Variants in PI4KA observed in about 807,000 individuals in gnomAD.
PI4KA encodes PI4-kinase alpha.
Under a neutral mutation model 271.4 loss-of-function variants are expected in PI4KA, and 122 were observed. The observed-to-expected ratio is 0.45, with a 90% CI of 0.39 to 0.52. The LOEUF (loss-of-function observed/expected upper bound fraction) is 0.52, where lower values mean the gene tolerates loss of function less well. Ranked by LOEUF, PI4KA falls within the 20% of genes least tolerant of loss-of-function variation. The pLI, the probability that PI4KA is intolerant of heterozygous loss-of-function variation, is 0.00. For missense variants in PI4KA, 1,969 were observed against 2,769.1 expected (o/e 0.71, Z 6.48); for synonymous variants, 1,041 against 1,078.8 (o/e 0.96, Z 0.69).
chr22:20,751,326 C>G lies in PI4KA; in HGVS notation c.3120G>C (p.Arg1040=), dbSNP rs118133093. ...CTTCGTACGTGTCAGGAACCGTGAT[C>G]CGGTAGGGGGCGTCGGGGATGTCAT... The part of the protein sequence containing the change: ...PYYDIPDAPY[R]ITVPDTYEAR... Residue 1040 remains arginine (R), a synonymous_variant, in exon 27 of 55, where the codon CGG becomes CGC. Coordinates refer to ENST00000255882, the MANE Select transcript of PI4KA (RefSeq NM_058004.4). 2,659 of 1,614,084 alleles carry G rather than the reference C, an allele frequency of 1.6e-3. 53 individuals carry two copies. In the East Asian group the frequency reaches 0.048, roughly 29 times the overall value.
intron 19 of PI4KA, among the ~76,000 whole-genome samples, chr22:20,776,129 C>G (rs1933250026): frequency 6.6e-6 from 1 of 152,106 alleles, no homozygotes; most frequent in African/African-American, 2.4e-5. Flanking sequence ...TGAGACCTGT[C>G]TGGGCAACAT....
At position 20,807,443 on chromosome 22, in the gene PI4KA, C is replaced by G. The variant is rs1458288484; in HGVS notation, c.1087G>C (p.Asp363His). 1 of 1,611,768 alleles carries G rather than the reference C, an allele frequency of 6.2e-7. No homozygotes were observed. Among genetic ancestry groups the G allele is most frequent in the Admixed American group, 1.7e-5 (1 of 60,016 alleles). Residue 363 changes from aspartate to histidine, a missense_variant, in exon 10 of 55, where the codon GAT becomes CAT. This residue lies in a region of PI4KA where 540 missense variants were observed against 555.5 expected (regional missense o/e 0.97). Coordinates refer to ENST00000255882, the MANE Select transcript of PI4KA (RefSeq NM_058004.4). The part of the protein sequence containing the change: ...ASVMEANPSA[D>H]LYYTSFSDPL... ...TCACTGAAGGAAGTGTAGTAGAGAT[C>G]AGCACTGGGGTTGGCCTGCAGGGAA...
Position 20,747,843 on chromosome 22 carries a change from T to TC in PI4KA, c.3244-142dup, listed in dbSNP as rs1930278998. ...TCGACCTCTTAGACTCAAGCCATCCTCCCGCCTCAGCTTCCCAAGTAGCTG... is the reference window on the plus strand; with the variant it reads ...TCGACCTCTTAGACTCAAGCCATCCTCCCCGCCTCAGCTTCCCAAGTAGCTG... On this transcript the variant is annotated intron_variant, in intron 28 of 54. Transcript: ENST00000255882. The TC allele has an allele frequency of 7.9e-6, 6 of 763,332 alleles. No homozygotes were observed. The Admixed American group carries it at 1.6e-4, about 21-fold the overall frequency. 47.3% of individuals were successfully genotyped at this position (763,332 alleles called of 1,614,324 possible).
intron 22 of PI4KA, among the ~76,000 whole-genome samples, chr22:20,763,610 T>C (rs1310738047): frequency 2.0e-5 from 3 of 152,096 alleles, no homozygotes; most frequent in Non-Finnish European, 4.4e-5. Flanking sequence ...TGGCTAATTT[T>C]TGTATTTTTA....
At chr22:20,789,351 A>T (rs1934481510) in intron 19 of PI4KA, among the ~76,000 whole-genome samples, 1 of 152,140 alleles carries the variant, frequency 6.6e-6, no homozygotes, top group Non-Finnish European at 1.5e-5. Context: ...TTTTTTTGAG[A>T]CGGAGTCTCG....
chr22:20,854,966 A>T (rs951633215), intron 1 of PI4KA, among the ~76,000 whole-genome samples: 1 of 152,170 alleles, frequency 6.6e-6, no homozygotes, highest in Non-Finnish European at 1.5e-5. Context: ...AGCCTGGCCA[A>T]CACGGCGAAA....
At position 20,721,286 on chromosome 22, in the gene PI4KA, C is replaced by T; in HGVS notation, c.5116+12G>A. The T allele has an allele frequency of 6.2e-7, 1 of 1,613,682 alleles. No individual in the cohort carries two copies. The highest frequency in any genetic ancestry group is 2.2e-5 in the East Asian group (1 of 44,888). On this transcript the variant is annotated intron_variant, in intron 43 of 54. Transcript: ENST00000255882. ...ACAGTAAGTGAGGCCTGTGGGAGGA[C>T]AAAATACTCACGGTCTTTCTGGTGG...
intron 1 of PI4KA, among the ~76,000 whole-genome samples, chr22:20,852,122 T>G (rs962066295): frequency 2.6e-5 from 4 of 152,004 alleles, no homozygotes; most frequent in Admixed American, 6.6e-5. Flanking sequence ...AGACTCCATC[T>G]CAAAAAGTAA....
At chr22:20,766,557 C>T (rs547123925) in intron 19 of PI4KA, among the ~76,000 whole-genome samples, 2 of 150,780 alleles carry the variant, frequency 1.3e-5, no homozygotes, top group Non-Finnish European at 3.0e-5. Flanking sequence ...CCCAGCTACT[C>T]GGGAGATTGA....
intron 42 of PI4KA, among the ~76,000 whole-genome samples, chr22:20,726,161 C>G (rs1451211408): frequency 6.6e-6 from 1 of 152,194 alleles, no homozygotes; most frequent in Non-Finnish European, 1.5e-5. Context: ...CTCACCACTT[C>G]CGGCTGAAGA....
chr22:20,837,147 G>A (rs903239116), intron 2 of PI4KA, among the ~76,000 whole-genome samples: 1 of 152,188 alleles, frequency 6.6e-6, no homozygotes, highest in Non-Finnish European at 1.5e-5. Flanking sequence ...CCAGCACTTT[G>A]GGAGGCCTAG....
chr22:20,792,226 G>A (rs559220422), intron 19 of PI4KA, among the ~76,000 whole-genome samples: 28 of 152,006 alleles, frequency 1.8e-4, no homozygotes, highest in African/African-American at 6.3e-4. Flanking sequence ...CATCTACCTC[G>A]GCCAGCCAAA....
Position 20,711,318 on chromosome 22 carries a change from G to C in PI4KA, c.5923+23C>G, listed in dbSNP as rs781026938. 15 of 1,352,418 alleles carry C rather than the reference G, an allele frequency of 1.1e-5. 2 individuals are homozygous for C. In the East Asian group the frequency reaches 2.3e-4, roughly 21 times the overall value. The allele number at this position is 1,352,418 out of a possible 1,614,324, so 83.8% of individuals were successfully genotyped here. ...GGGTGCCAGGGGTGAAGGGAGAGGAGGGTGGCGCTGTGGCTGGCTGACCGA... is the reference window on the plus strand; with the variant it reads ...GGGTGCCAGGGGTGAAGGGAGAGGACGGTGGCGCTGTGGCTGGCTGACCGA... On this transcript the variant is annotated intron_variant, in intron 51 of 54. Transcript: ENST00000255882.
At chr22:20,829,874 A>C (rs1439694051) in intron 3 of PI4KA, among the ~76,000 whole-genome samples, 2 of 152,098 alleles carry the variant, frequency 1.3e-5, no homozygotes, top group African/African-American at 4.8e-5. Flanking sequence ...AATTTCAAAT[A>C]ATTTCTTGAT....
At chr22:20,743,288 G>T (rs1355051928) in intron 30 of PI4KA, among the ~76,000 whole-genome samples, 2 of 152,006 alleles carry the variant, frequency 1.3e-5, no homozygotes, top group African/African-American at 4.8e-5. Context: ...TGGATTACAG[G>T]CATGCGCCAC....
At position 20,799,754 on chromosome 22, in the gene PI4KA, A is replaced by G; in HGVS notation, c.1737T>C (p.Ala579=). 6.4e-7 allele frequency: 1 copy of G among 1,551,822 alleles called. No homozygotes were observed. Residue 579 remains alanine (A), a synonymous_variant, in exon 15 of 55, where the codon GCT becomes GCC. Coordinates refer to ENST00000255882, the MANE Select transcript of PI4KA (RefSeq NM_058004.4). The part of the protein sequence containing the change: ...AIDNICRCLK[A]GLTVDPVIVE... ...CAATCACTGGGTCCACCGTCAATCC[A>G]GCCTTCAGGCACCTGAGGAGCAAGA...
At chr22:20,820,745 G>A (rs879533662) in intron 4 of PI4KA, 134 bp from the exon 5 acceptor site, 27 of 645,978 alleles carry the variant, frequency 4.2e-5, no homozygotes, top group Non-Finnish European at 6.7e-5. Flanking sequence ...CCTCCACAAC[G>A]ACTGTGCCAA....
chr22:20,746,211 T>C (rs555221317), intron 29 of PI4KA, among the ~76,000 whole-genome samples: 110 of 151,752 alleles, frequency 7.2e-4, no homozygotes, highest in Middle Eastern at 3.4e-3. Flanking sequence ...TACAGGCGCC[T>C]GCCACCATGC....
chr22:20,778,642 A>G (rs180997297), intron 19 of PI4KA, among the ~76,000 whole-genome samples: 12 of 152,336 alleles, frequency 7.9e-5, no homozygotes, highest in Non-Finnish European at 1.8e-4. Context: ...ATTTTTCAAC[A>G]GCATCTCCAT....
Sources: gnomAD v4.1 joint callset for allele counts (sites outside exome capture counted in the v4.1 genomes callset) on GRCh38, gnomAD v4.1.1 for gene constraint, gnomAD v4.1.1 regional missense constraint, MANE v1.5 for transcripts, NCBI Gene and HGNC (gene_info 2026-07-23, HGNC 2026-07-21) for gene names.